NTRK3: variants seen among roughly 807,000 people sequenced by gnomAD.
NTRK3 encodes the protein NT-3 growth factor receptor.
In NTRK3, 24 loss-of-function variants were observed where a neutral mutation model predicts 91.7. The observed-to-expected ratio is 0.26, with a 90% CI of 0.19 to 0.37. The LOEUF (loss-of-function observed/expected upper bound fraction) is 0.37, where lower values mean the gene tolerates loss of function less well. Among genes scored for constraint, NTRK3 ranks in the 10% least tolerant of loss-of-function variants. NTRK3 has a pLI of 1.00. For missense variants in NTRK3, 880 were observed against 1,068.9 expected, an observed-to-expected ratio of 0.82 and a Z score of 2.46; for synonymous variants, 483 against 404.0, an observed-to-expected ratio of 1.20 and a Z score of -2.34.
At chr15:87,880,486 T>C (rs2065180175) in intron 17 of NTRK3, 58 bp from the exon 19 acceptor site, 1 of 1,572,600 alleles carries the variant, frequency 6.4e-7, no homozygotes, top group Non-Finnish European at 8.7e-7. Flanking sequence ...ATGAGTGTTA[T>C]CTGTCTGCAC....
In NTRK3 at chr15:88,159,369, G is replaced by A. The variant is rs112306628; in HGVS notation, c.396-11966C>T. Reference sequence around the variant, plus strand: ...AAGTGTGGATTTGAGAAAGCATTGAGGGGAGAGGTTCTCCCATTCCGGGTA... The same window carrying A: ...AAGTGTGGATTTGAGAAAGCATTGAAGGGAGAGGTTCTCCCATTCCGGGTA... On this transcript the variant is annotated intron_variant, in intron 5 of 18. Transcript: ENST00000394480. 2.8e-3 allele frequency among the ~76,000 whole-genome samples: 428 copies of A among 152,322 alleles called. 3 individuals are homozygous for A. In the Middle Eastern group the frequency reaches 0.031, roughly 11 times the overall value.
intron 3 of NTRK3, among the ~76,000 whole-genome samples, chr15:88,193,078 C>G (rs1105962): frequency 1.3e-5 from 2 of 151,972 alleles, no homozygotes; most frequent in African/African-American, 2.4e-5. Context: ...ATTGGGGCAC[C>G]ACCCCTGAGT....
chr15:87,900,172 G>A (rs1269525088), intron 17 of NTRK3, among the ~76,000 whole-genome samples: 1 of 152,146 alleles, frequency 6.6e-6, no homozygotes, highest in Non-Finnish European at 1.5e-5. Context: ...AGGTTGGGTG[G>A]TAACAGCAGT....
intron 3 of NTRK3, among the ~76,000 whole-genome samples, chr15:88,192,987 G>A (rs1195101716): frequency 2.0e-5 from 3 of 152,104 alleles, no homozygotes; most frequent in African/African-American, 7.2e-5. Flanking sequence ...TGTCATCAGT[G>A]TCTCTACATT....
At chr15:87,955,433 G>T (rs918111850) in intron 14 of NTRK3, among the ~76,000 whole-genome samples, 5 of 152,212 alleles carry the variant, frequency 3.3e-5, no homozygotes, top group African/African-American at 1.2e-4. Context: ...CAGGAGATTT[G>T]GGGACACGGC....
At position 88,160,801 on chromosome 15, in the gene NTRK3, G is replaced by C. The variant is rs534934121; in HGVS notation, c.396-13398C>G. ...ATTCTTTCCTTAGCACACTACTCTGGAAGGGAACAGTGGCTGTGTGGGTTT... is the reference window on the plus strand; with the variant it reads ...ATTCTTTCCTTAGCACACTACTCTGCAAGGGAACAGTGGCTGTGTGGGTTT... On this transcript the variant is annotated intron_variant, in intron 5 of 18. Transcript: ENST00000394480. Among the ~76,000 whole-genome samples the C allele has an allele frequency of 2.6e-5, 4 of 152,324 alleles. No individual in the cohort carries two copies. The East Asian group carries it at 7.7e-4, about 29-fold the overall frequency.
intron 17 of NTRK3, among the ~76,000 whole-genome samples, chr15:87,900,690 G>GGTGTGTGTGTGTGTGTGT (rs61498493): frequency 7.2e-6 from 1 of 138,242 alleles, no homozygotes; most frequent in Non-Finnish European, 1.6e-5. Context: ...CTTTACAGAG[G>GGTGTGTGTGTGTGTGTGT]GTGTGTGTGT....
At chr15:88,020,979 G>A (rs116613018) in intron 14 of NTRK3, among the ~76,000 whole-genome samples, 70 of 152,326 alleles carry the variant, frequency 4.6e-4, no homozygotes, top group African/African-American at 1.6e-3. Context: ...TCTCCTTGGA[G>A]CAGCTCCCTA....
rs746072042 is a variant in NTRK3 at position 87,940,765 on chromosome 15, G to T, written c.1586-12C>A. 2.5e-6 allele frequency: 4 copies of T among 1,614,116 alleles called. No individual in the cohort carries two copies. Among genetic ancestry groups the T allele is most frequent in the Non-Finnish European group, 3.4e-6 (4 of 1,180,004 alleles). On this transcript the variant is annotated splice_polypyrimidine_tract_variant and intron_variant, in intron 14 of 18. Coordinates refer to ENST00000394480, the Ensembl canonical transcript of NTRK3. ...AATGTGCTGCACATCTGTAGGATGG[G>T]GACAAAGAGGAGGGCAGCAAATCAG...
intron 6 of NTRK3, 71 bp downstream of exon 6, chr15:88,147,264 G>T: frequency 1.4e-6 from 2 of 1,436,696 alleles, no homozygotes; most frequent in Non-Finnish European, 2.0e-6. Context: ...TGGTTCCACT[G>T]CTTGACACTC....
intron 13 of NTRK3, among the ~76,000 whole-genome samples, chr15:88,089,164 G>T (rs1158087176): frequency 6.6e-6 from 1 of 152,042 alleles, no homozygotes; most frequent in Non-Finnish European, 1.5e-5. Context: ...GGAGAAGATA[G>T]ATCTCCAAAT....
chr15:88,100,868 A>C (rs1295765262), intron 13 of NTRK3, among the ~76,000 whole-genome samples: 2 of 152,236 alleles, frequency 1.3e-5, no homozygotes, highest in African/African-American at 4.8e-5. Flanking sequence ...AATTAATTCA[A>C]GTTGGATTAA....
At chr15:87,878,535 A>G (rs1303488523) in intron 18 of NTRK3, among the ~76,000 whole-genome samples, 1 of 152,162 alleles carries the variant, frequency 6.6e-6, no homozygotes, top group Non-Finnish European at 1.5e-5. Flanking sequence ...CTTCACCTCC[A>G]GGAAAAGGGA....
At chr15:88,010,616 T>C (rs2076810558) in intron 14 of NTRK3, among the ~76,000 whole-genome samples, 1 of 152,134 alleles carries the variant, frequency 6.6e-6, no homozygotes, top group African/African-American at 2.4e-5. Flanking sequence ...CTAAAAGCAA[T>C]GTAATAAACC....
chr15:87,953,606 G>C (rs564915897), intron 14 of NTRK3, among the ~76,000 whole-genome samples: 2 of 152,102 alleles, frequency 1.3e-5, no homozygotes, highest in Non-Finnish European at 2.9e-5. Flanking sequence ...ACCTCTTATT[G>C]ATAGGCCTGG....
intron 14 of NTRK3, among the ~76,000 whole-genome samples, chr15:87,968,822 G>A (rs527624556): frequency 6.6e-6 from 1 of 152,272 alleles, no homozygotes; most frequent in East Asian, 1.9e-4. Context: ...GCAATTTGGG[G>A]ATTATTGGTG....
At chr15:88,106,113 C>T (rs1436909462) in intron 13 of NTRK3, among the ~76,000 whole-genome samples, 1 of 152,212 alleles carries the variant, frequency 6.6e-6, no homozygotes, top group African/African-American at 2.4e-5. Flanking sequence ...CCGGCTTACC[C>T]AGTGGTTTCT....
At chr15:88,228,602 C>T (rs1014957226) in intron 3 of NTRK3, among the ~76,000 whole-genome samples, 6 of 152,176 alleles carry the variant, frequency 3.9e-5, no homozygotes, top group African/African-American at 9.7e-5. Context: ...CAGAAACAGA[C>T]CCTCCTCCAG....
intron 14 of NTRK3, among the ~76,000 whole-genome samples, chr15:88,023,349 C>T (rs1180965655): frequency 6.6e-6 from 1 of 152,126 alleles, no homozygotes; most frequent in Non-Finnish European, 1.5e-5. Context: ...CCAAACCTAG[C>T]ATCACAGAAT....
Sources: allele counts gnomAD v4.1 joint callset (sites outside exome capture counted in the v4.1 genomes callset), GRCh38; gene constraint gnomAD v4.1.1; transcripts MANE v1.5; gene names NCBI Gene and HGNC (gene_info 2026-07-23, HGNC 2026-07-21).